CC2D1A: variants seen among roughly 807,000 people sequenced by gnomAD.
The protein encoded by CC2D1A is coiled-coil and C2 domain-containing protein 1A.
CC2D1A carries 68 observed loss-of-function variants against 123.8 expected under a neutral mutation model. The observed-to-expected ratio is 0.55, with a 90% CI of 0.45 to 0.67. The LOEUF is 0.67. Ranked by LOEUF, CC2D1A falls within the 30% of genes least tolerant of loss-of-function variation. The pLI, the probability that CC2D1A is intolerant of heterozygous loss-of-function variation, is 0.00. For missense variants in CC2D1A, 1,185 were observed against 1,290.3 expected, an observed-to-expected ratio of 0.92 and a Z score of 1.25; for synonymous variants, 477 against 528.0, an observed-to-expected ratio of 0.90 and a Z score of 1.32.
At position 13,928,195 on chromosome 19, in the gene CC2D1A, A is replaced by G. The variant is rs764865374; in HGVS notation, c.2519+7A>G. 6.2e-7 allele frequency: 1 copy of G among 1,612,652 alleles called. No homozygotes were observed. The highest frequency in any genetic ancestry group is 1.3e-5 in the African/African-American group (1 of 74,894). ...CAAGGGAGTCAGGGAACAGGTAGGT[A>G]TCTGGGCCAGGGCATGCTGGAGAAA... On this transcript the variant is annotated splice_region_variant and intron_variant, in intron 24 of 28. Transcript: ENST00000318003.
chr19:13,920,382 A>G (rs1971367075), intron 12 of CC2D1A, 175 bp from the exon 13 acceptor site: 1 of 72,850 alleles, frequency 1.4e-5, no homozygotes. Context: ...CTCAAAAAAG[A>G]AAAAAAAAAA....
In CC2D1A at chr19:13,906,920, T is replaced by C. The variant is rs1970774366; in HGVS notation, c.60+419T>C. Among the ~76,000 whole-genome samples the C allele has an allele frequency of 6.6e-6, 1 of 152,192 alleles. No individual in the cohort carries two copies. The highest frequency in any genetic ancestry group is 2.1e-4 in the South Asian group (1 of 4,828). ...AAGCACAAATCCAGGGCTGCAGCCA[T>C]AAGCTTATGGCACTGTGGCTGGACC... On this transcript the variant is annotated intron_variant, in intron 1 of 28. Coordinates refer to ENST00000318003, the MANE Select transcript of CC2D1A (RefSeq NM_017721.5). The surrounding 1 kb of genome is among the most constrained non-coding windows in gnomAD (Gnocchi z 4.1).
Position 13,930,088 on chromosome 19 carries a change from C to A in CC2D1A, c.2721C>A (p.Ala907=), listed in dbSNP as rs757431462. The stretch of plus-strand genomic sequence containing the variant: ...GCCATCCATTCTCAGAATACGCAGC[C>A]CAGCTGGAGCGGCAGCTGCAGTTCT... ...GGVGIRREYA[A]QLERQLQFYT... Residue 907 remains alanine, a synonymous_variant, in exon 27 of 29, where the codon GCC becomes GCA. Coordinates refer to ENST00000318003, the MANE Select transcript of CC2D1A (RefSeq NM_017721.5). The surrounding 1 kb of genome is among the most constrained non-coding windows in gnomAD (Gnocchi z 6.8). 1.2e-6 allele frequency: 2 copies of A among 1,612,980 alleles called. No individual in the cohort carries two copies. Among genetic ancestry groups the A allele is most frequent in the Non-Finnish European group, 1.7e-6 (2 of 1,179,626 alleles).
At chr19:13,910,497 A>T (rs1403644052) in intron 2 of CC2D1A, among the ~76,000 whole-genome samples, 1 of 151,262 alleles carries the variant, frequency 6.6e-6, no homozygotes, top group Non-Finnish European at 1.5e-5. Flanking sequence ...ATGTGACTTG[A>T]TGAGTCACAT....
intron 2 of CC2D1A, 30 bp from the exon 3 acceptor site, chr19:13,912,293 G>C: frequency 6.4e-7 from 1 of 1,564,230 alleles, no homozygotes; most frequent in Admixed American, 1.9e-5. Flanking sequence ...GTACGACCCT[G>C]GTCCACCTGG....
chr19:13,916,175 T>C (rs1183680701), intron 6 of CC2D1A, among the ~76,000 whole-genome samples: 1 of 152,094 alleles, frequency 6.6e-6, no homozygotes, highest in East Asian at 1.9e-4. Context: ...GAGAATCACT[T>C]GAACCCAGAA....
intron 14 of CC2D1A, 97 bp downstream of exon 14, chr19:13,921,019 C>T: frequency 8.4e-7 from 1 of 1,191,292 alleles, no homozygotes; most frequent in Non-Finnish European, 1.2e-6. Flanking sequence ...TAGTCAAGGT[C>T]CAGCTGCTGT....
intron 1 of CC2D1A, among the ~76,000 whole-genome samples, chr19:13,907,732 A>G (rs1970823329): frequency 6.6e-6 from 1 of 152,016 alleles, no homozygotes; most frequent in African/African-American, 2.4e-5. Context: ...AAAAATGGAG[A>G]CCTCCAAGAG....
At chr19:13,927,314 G>A (rs201787212) in intron 22 of CC2D1A, 49 bp downstream of exon 22, 24 of 1,462,246 alleles carry the variant, frequency 1.6e-5, no homozygotes, top group East Asian at 2.3e-5. Flanking sequence ...CATGCTACTC[G>A]TTAACATTAT....
At chr19:13,907,608 G>T (rs1466811702) in intron 1 of CC2D1A, among the ~76,000 whole-genome samples, 3 of 152,030 alleles carry the variant, frequency 2.0e-5, no homozygotes, top group Admixed American at 6.6e-5. Context: ...AGAGGCGGAG[G>T]TTGCAGTGAG....
Position 13,929,413 on chromosome 19 carries a change from G to A in CC2D1A, c.2554G>A (p.Ala852Thr). The A allele has an allele frequency of 6.2e-7, 1 of 1,613,518 alleles. No individual in the cohort carries two copies. Among genetic ancestry groups the A allele is most frequent in the Non-Finnish European group, 8.5e-7 (1 of 1,179,980 alleles). Residue 852 changes from alanine to threonine, a missense_variant, in exon 25 of 29, where the codon GCG becomes ACG. By Grantham distance (58) the Ala-to-Thr change is moderately conservative. Transcript: ENST00000318003. ...GCCCCTGCATAGCCTCAGTGTGCTG[G>A]CGTTTGACCAAGAGCGTCTGGAGCG... ...ARPLHSLSVL[A>T]FDQERLERKI...
intron 2 of CC2D1A, among the ~76,000 whole-genome samples, chr19:13,910,174 A>G (rs562699031): frequency 1.5e-4 from 22 of 151,416 alleles, no homozygotes; most frequent in Admixed American, 1.1e-3. Context: ...CGAGGCAGGC[A>G]GATCATGAGG....
chr19:13,915,280 C>G (rs932373873), intron 6 of CC2D1A, among the ~76,000 whole-genome samples: 2 of 152,222 alleles, frequency 1.3e-5, no homozygotes, highest in Non-Finnish European at 2.9e-5. Context: ...GAGTCTCGCT[C>G]TTGTTTCCAG....
chr19:13,925,976 G>C (rs28401307), intron 17 of CC2D1A, among the ~76,000 whole-genome samples: 3 of 79,726 alleles, frequency 3.8e-5, no homozygotes, highest in Non-Finnish European at 6.6e-5. Context: ...ATATATATGT[G>C]TATATATATA....
chr19:13,923,779 C>T lies in CC2D1A; in HGVS notation c.1908C>T (p.Ala636=). The T allele has an allele frequency of 6.2e-7, 1 of 1,614,152 alleles. No individual in the cohort carries two copies. The highest frequency in any genetic ancestry group is 1.1e-5 in the South Asian group (1 of 91,088). ...TCCGGGGTCTCCCCACGCCCACCGC[C>T]CGCTTTGAGCAAAGGACCTTCAGCG... ...AFVRGLPTPT[A]RFEQRTFSVI... The change falls in exon 17 of 29, where the codon GCC becomes GCT. Residue 636 remains alanine, a synonymous_variant. Coordinates refer to ENST00000318003, the MANE Select transcript of CC2D1A (RefSeq NM_017721.5). The surrounding 1 kb of genome is among the most constrained non-coding windows in gnomAD (Gnocchi z 5.3).
intron 21 of CC2D1A, 39 bp downstream of exon 21, chr19:13,927,116 G>A (rs771574901): frequency 1.2e-6 from 2 of 1,610,522 alleles, no homozygotes; most frequent in African/African-American, 2.7e-5. Context: ...GTGGGCTCCA[G>A]GGGAGGGGAG....
intron 6 of CC2D1A, 36 bp downstream of exon 6, chr19:13,913,674 C>T (rs982686285): frequency 6.7e-6 from 10 of 1,486,708 alleles, no homozygotes; most frequent in Non-Finnish European, 9.1e-6. Flanking sequence ...ATATGGGATC[C>T]GAGTGGGCCA....
chr19:13,926,095 T>G (rs1255111062), intron 17 of CC2D1A, among the ~76,000 whole-genome samples: 1 of 143,180 alleles, frequency 7.0e-6, no homozygotes, highest in African/African-American at 2.7e-5. Flanking sequence ...CACATATATA[T>G]TAAGTGAAAA....
intron 14 of CC2D1A, 45 bp downstream of exon 14, chr19:13,920,967 C>A: frequency 6.4e-7 from 1 of 1,550,546 alleles, no homozygotes; most frequent in Non-Finnish European, 8.7e-7. Context: ...ACCCACTTGT[C>A]AGGCTCCTGC....
Sources: allele counts gnomAD v4.1 joint callset (sites outside exome capture counted in the v4.1 genomes callset), GRCh38; gene constraint gnomAD v4.1.1; non-coding constraint Gnocchi (gnomAD v3.1); transcripts MANE v1.5; gene names NCBI Gene and HGNC (gene_info 2026-07-23, HGNC 2026-07-21).